HACE1: variants seen among roughly 807,000 people sequenced by gnomAD.
HACE1 encodes HECT domain and ankyrin repeat containing E3 ubiquitin protein ligase 1, also known as E3 ubiquitin-protein ligase HACE1.
In HACE1, 73 loss-of-function variants were observed where a neutral mutation model predicts 118.4. The observed-to-expected ratio is 0.62, with a 90% CI of 0.51 to 0.75. The LOEUF (loss-of-function observed/expected upper bound fraction) is 0.75. Among genes scored for constraint, HACE1 ranks in the 30% least tolerant of loss-of-function variants. The probability of loss-of-function intolerance (pLI) is 0.00; values close to 1 mark genes in which losing one functional copy is unlikely to be tolerated. For missense variants in HACE1, 749 were observed against 1,102.2 expected, an observed-to-expected ratio of 0.68 and a Z score of 4.54; for synonymous variants, 368 against 374.8, an observed-to-expected ratio of 0.98 and a Z score of 0.21.
chr6:104,809,245 C>G (rs147696453), intron 7 of HACE1, among the ~76,000 whole-genome samples: 210 of 152,110 alleles, frequency 1.4e-3, no homozygotes, highest in Middle Eastern at 3.4e-3. Context: ...GGGAGACAGA[C>G]TATAAGAAAG....
chr6:104,796,431 A>G (rs1360769807), intron 9 of HACE1, among the ~76,000 whole-genome samples: 3 of 152,178 alleles, frequency 2.0e-5, no homozygotes, highest in African/African-American at 7.2e-5. Flanking sequence ...TCTTAAGGAG[A>G]GACCAAAGAC....
At chr6:104,767,007 A>G (rs1350153440) in intron 19 of HACE1, 3 of 152,214 alleles carry the variant, frequency 2.0e-5, no homozygotes, top group Non-Finnish European at 4.4e-5. Flanking sequence ...AATACCCATA[A>G]GGCACATCAA....
At chr6:104,794,892 T>A (rs1783446459) in intron 10 of HACE1, among the ~76,000 whole-genome samples, 1 of 151,502 alleles carries the variant, frequency 6.6e-6, no homozygotes, top group African/African-American at 2.4e-5. Flanking sequence ...AGAGCGAGAC[T>A]CTGTCTCAAA....
intron 19 of HACE1, among the ~76,000 whole-genome samples, chr6:104,754,168 A>ACTAT (rs35408644): frequency 0.21 from 31,540 of 151,928 alleles, 3,938 homozygotes; most frequent in African/African-American, 0.36. Flanking sequence ...GAGCTTGAAG[A>ACTAT]CTGTCCAAAA....
rs1306398254 is a variant in HACE1, at chr6:104,859,820, C to T, written c.-178G>A. 3.5e-6 allele frequency: 2 copies of T among 575,598 alleles called. No homozygotes were observed. Among genetic ancestry groups the T allele is most frequent in the East Asian group, 6.8e-5 (2 of 29,218 alleles). 35.7% of individuals were successfully genotyped at this position (575,598 alleles called of 1,614,324 possible). On this transcript the variant is annotated 5_prime_UTR_variant, in exon 1 of 24. Coordinates refer to ENST00000262903, the MANE Select transcript of HACE1 (RefSeq NM_020771.4). ...CGTCCTGCGTCCGGGGGCCGGGCTG[C>T]TGCCGGACCGACCACCTACAGTACA... is the stretch of plus-strand genomic sequence containing the variant.
chr6:104,771,117 G>T, intron 19 of HACE1, 76 bp downstream of exon 19: 1 of 1,048,464 alleles, frequency 9.5e-7, no homozygotes, highest in Non-Finnish European at 1.5e-6. Flanking sequence ...ACAAGTGCCA[G>T]AAGAATTTAG....
chr6:104,757,317 C>G (rs925743736), intron 19 of HACE1, among the ~76,000 whole-genome samples: 1 of 152,150 alleles, frequency 6.6e-6, no homozygotes. Flanking sequence ...CAGGCGGGTG[C>G]CCCTCTGGGA....
intron 22 of HACE1, chr6:104,730,929 GT>G (rs1231791741): frequency 2.6e-5 from 4 of 155,208 alleles, no homozygotes; most frequent in African/African-American, 9.7e-5. Context: ...GATTTGTTTT[GT>G]TTTTTATAGT....
chr6:104,800,738 A>G (rs2114904390), intron 7 of HACE1, among the ~76,000 whole-genome samples: 2 of 152,358 alleles, frequency 1.3e-5, no homozygotes, highest in Middle Eastern at 6.8e-3. Context: ...CCAAAGGTAG[A>G]CAAAACCACA....
At chr6:104,781,359 A>G (rs1477069441) in intron 14 of HACE1, among the ~76,000 whole-genome samples, 2 of 152,078 alleles carry the variant, frequency 1.3e-5, no homozygotes, top group Non-Finnish European at 2.9e-5. Context: ...TTCTTACACA[A>G]TAAGATGTTG....
intron 7 of HACE1, among the ~76,000 whole-genome samples, chr6:104,807,948 A>G (rs937353115): frequency 6.6e-6 from 1 of 152,162 alleles, no homozygotes; most frequent in Admixed American, 6.5e-5. Context: ...GCACTTTGGG[A>G]GGATGAGACA....
Position 104,859,562 on chromosome 6 carries a change from C to T in HACE1, c.76+5G>A. 1 of 1,517,752 alleles carries T rather than the reference C, an allele frequency of 6.6e-7. No homozygotes were observed. Among genetic ancestry groups the T allele is most frequent in the Non-Finnish European group, 8.8e-7 (1 of 1,138,470 alleles). 94.0% of individuals were successfully genotyped at this position (1,517,752 alleles called of 1,614,324 possible). A position where few individuals can be genotyped will look rare whatever the true frequency, so the allele number is the denominator to read the frequency against. On this transcript the variant is annotated splice_donor_5th_base_variant and intron_variant, in intron 1 of 23. Coordinates refer to ENST00000262903, the MANE Select transcript of HACE1 (RefSeq NM_020771.4). ...CGGCCAGCCTGGCCCCGCGACCCGGCTCACCCTCGGGCAACTCCACGGTGC... is the reference window on the plus strand; with the variant it reads ...CGGCCAGCCTGGCCCCGCGACCCGGTTCACCCTCGGGCAACTCCACGGTGC...
intron 19 of HACE1, among the ~76,000 whole-genome samples, chr6:104,755,494 A>C (rs1778502126): frequency 6.6e-6 from 1 of 152,276 alleles, no homozygotes; most frequent in African/African-American, 2.4e-5. Flanking sequence ...TCATCACCAC[A>C]TGACACTTAT....
intron 11 of HACE1, among the ~76,000 whole-genome samples, chr6:104,788,598 T>G (rs955973178): frequency 6.6e-6 from 1 of 152,152 alleles, no homozygotes; most frequent in African/African-American, 2.4e-5. Context: ...GTTAAAAGTT[T>G]CACAATCTTT....
At chr6:104,792,510 T>C (rs1195508810) in intron 10 of HACE1, among the ~76,000 whole-genome samples, 1 of 152,222 alleles carries the variant, frequency 6.6e-6, no homozygotes, top group African/African-American at 2.4e-5. Flanking sequence ...ATGGTGGTTT[T>C]ATTTTGAAAT....
chr6:104,803,193 A>G (rs548573866), intron 7 of HACE1, among the ~76,000 whole-genome samples: 2 of 152,210 alleles, frequency 1.3e-5, no homozygotes, highest in Non-Finnish European at 2.9e-5. Context: ...AATTGAGGCA[A>G]TAATTAATAG....
chr6:104,747,762 T>A (rs947814513), intron 20 of HACE1, among the ~76,000 whole-genome samples: 9 of 152,176 alleles, frequency 5.9e-5, no homozygotes, highest in African/African-American at 2.2e-4. Flanking sequence ...TTGTGAGCGT[T>A]TTTAAAGTTA....
intron 22 of HACE1, among the ~76,000 whole-genome samples, chr6:104,736,970 T>C (rs544917468): frequency 4.6e-5 from 7 of 152,118 alleles, no homozygotes; most frequent in African/African-American, 1.7e-4. Flanking sequence ...ACACTACTTT[T>C]AAAATAAAAA....
At chr6:104,851,038 T>C in intron 2 of HACE1, 42 bp from the exon 3 acceptor site, 1 of 1,142,234 alleles carries the variant, frequency 8.8e-7, no homozygotes, top group African/African-American at 1.5e-5. Context: ...TAAAAAAAGT[T>C]TTTAAAAACA....
Sources: gnomAD v4.1 joint callset for allele counts (sites outside exome capture counted in the v4.1 genomes callset) on GRCh38, gnomAD v4.1.1 for gene constraint, MANE v1.5 for transcripts, NCBI Gene and HGNC (gene_info 2026-07-23, HGNC 2026-07-21) for gene names.